The following ACTN2 variants were observed in gnomAD, a reference collection of about 807,000 sequenced individuals.
ACTN2 encodes the protein alpha-actinin-2.
A neutral mutation model predicts 113.8 loss-of-function variants in ACTN2; 39 were observed. The observed-to-expected ratio is 0.34, with a 90% CI of 0.27 to 0.45. ACTN2 has a LOEUF of 0.45. Ranked by LOEUF, ACTN2 falls within the 20% of genes least tolerant of loss-of-function variation. The pLI is 1.00. For synonymous variants in ACTN2, 429 were observed against 444.1 expected, an observed-to-expected ratio of 0.97 and a Z score of 0.43; for missense variants, 992 against 1,177.9, an observed-to-expected ratio of 0.84 and a Z score of 2.31.
At chr1:236,692,860 T>C (rs1438232436) in intron 1 of ACTN2, among the ~76,000 whole-genome samples, 1 of 152,070 alleles carries the variant, frequency 6.6e-6, no homozygotes, top group Non-Finnish European at 1.5e-5. Flanking sequence ...CTCAGAAAAC[T>C]GTCAGAAAGC....
Position 236,742,876 on chromosome 1 carries a change from T to G in ACTN2, c.1108-20T>G, listed in dbSNP as rs771978488. On this transcript the variant is annotated intron_variant, in intron 10 of 20. Transcript: ENST00000366578. ...GGTGCTTGTTACACATTTGCTTCCCTTGGCTTCCAACCATCCCAGGATATT... is the reference window on the plus strand; with the variant it reads ...GGTGCTTGTTACACATTTGCTTCCCGTGGCTTCCAACCATCCCAGGATATT... 11 of 1,614,054 alleles carry G rather than the reference T, an allele frequency of 6.8e-6. No homozygotes were observed. Among genetic ancestry groups the G allele is most frequent in the Middle Eastern group, 1.6e-4 (1 of 6,084 alleles).
chr1:236,688,072 C>T (rs1193344285), intron 1 of ACTN2, among the ~76,000 whole-genome samples: 3 of 152,052 alleles, frequency 2.0e-5, no homozygotes, highest in Non-Finnish European at 2.9e-5. Flanking sequence ...GTTTAAAGGA[C>T]TGATTGTGAA....
intron 4 of ACTN2, among the ~76,000 whole-genome samples, chr1:236,723,684 T>C (rs1658465392): frequency 6.6e-6 from 1 of 152,164 alleles, no homozygotes; most frequent in South Asian, 2.1e-4. Context: ...CTTGAACTCC[T>C]GACCTCAGGT....
chr1:236,718,327 A>G (rs1193232640), intron 2 of ACTN2, among the ~76,000 whole-genome samples: 2 of 152,358 alleles, frequency 1.3e-5, no homozygotes, highest in East Asian at 3.9e-4. Flanking sequence ...TCTACTGTAC[A>G]TGTTGGCAGA....
At chr1:236,757,309 T>C (rs1427849078) in intron 17 of ACTN2, among the ~76,000 whole-genome samples, 177 bp from the exon 18 acceptor site, 1 of 152,150 alleles carries the variant, frequency 6.6e-6, no homozygotes, top group Non-Finnish European at 1.5e-5. Context: ...TGAGTACTTC[T>C]CACTACAGAA....
At chr1:236,710,845 C>T (rs962146411) in intron 1 of ACTN2, among the ~76,000 whole-genome samples, 3 of 152,186 alleles carry the variant, frequency 2.0e-5, no homozygotes, top group Admixed American at 1.3e-4. Context: ...AATCGAATGG[C>T]TGATGATCTG....
intron 15 of ACTN2, 92 bp from the exon 16 acceptor site, chr1:236,753,855 A>ACCCCCCC: frequency 2.0e-6 from 1 of 492,256 alleles, no homozygotes; most frequent in Non-Finnish European, 3.1e-6. Context: ...CTCCACTCCC[A>ACCCCCCC]CCCCCACCCC....
intron 4 of ACTN2, among the ~76,000 whole-genome samples, chr1:236,721,022 GTTTTTTT>G (rs869077774): frequency 0.017 from 1,110 of 66,514 alleles, 196 homozygotes; most frequent in Middle Eastern, 0.064. Flanking sequence ...TTTGTTTTTT[GTTTTTTT>G]TTTTTTTTTT....
intron 5 of ACTN2, 102 bp downstream of exon 5, chr1:236,726,122 G>A: frequency 1.9e-6 from 2 of 1,043,192 alleles, no homozygotes; most frequent in Admixed American, 1.7e-5. Flanking sequence ...TGTCTGAGAA[G>A]CCTTTTATGT....
intron 7 of ACTN2, 108 bp downstream of exon 7, chr1:236,731,422 T>C (rs1273510971): frequency 3.6e-6 from 3 of 829,336 alleles, no homozygotes; most frequent in Non-Finnish European, 6.1e-6. Context: ...ACATCCGAAG[T>C]ACTTTGGATT....
chr1:236,695,184 C>T (rs568249107), intron 1 of ACTN2, among the ~76,000 whole-genome samples: 22 of 144,598 alleles, frequency 1.5e-4, no homozygotes, highest in African/African-American at 2.3e-4. Context: ...CTGGCCAACA[C>T]GGCGAAACCC....
chr1:236,762,734 A>C lies in ACTN2; in HGVS notation c.*115A>C. The C allele has an allele frequency of 7.4e-7, 1 of 1,349,428 alleles. No homozygotes were observed. 83.6% of individuals were successfully genotyped at this position (1,349,428 alleles called of 1,614,324 possible). On this transcript the variant is annotated 3_prime_UTR_variant, in exon 21 of 21. Coordinates refer to ENST00000366578, the MANE Select transcript of ACTN2 (RefSeq NM_001103.4). Reference sequence around the variant, plus strand: ...AAGTTGAGAGAGAGAGAGGGGAAAAAAAAAAGCCTTTCGTAGTTCAGTAAT... The same window carrying C: ...AAGTTGAGAGAGAGAGAGGGGAAAACAAAAAGCCTTTCGTAGTTCAGTAAT...
chr1:236,724,480 A>G (rs1326980425), intron 4 of ACTN2, among the ~76,000 whole-genome samples: 3 of 152,250 alleles, frequency 2.0e-5, no homozygotes, highest in Non-Finnish European at 4.4e-5. Flanking sequence ...GAGCCTTCAG[A>G]CCAGAGCTCC....
chr1:236,748,276 T>A (rs1259711692), intron 13 of ACTN2: 1 of 161,922 alleles, frequency 6.2e-6, no homozygotes, highest in East Asian at 1.8e-4. Context: ...ATGGAAGACA[T>A]CTCCCACGTG....
At chr1:236,728,357 A>G (rs1046512713) in intron 6 of ACTN2, among the ~76,000 whole-genome samples, 3 of 151,958 alleles carry the variant, frequency 2.0e-5, no homozygotes, top group African/African-American at 7.3e-5. Flanking sequence ...GTCAGCCAGG[A>G]TGGTCTCGAT....
chr1:236,754,493 T>C lies in ACTN2; in HGVS notation c.1974+412T>C, dbSNP rs1659495113. Among the ~76,000 whole-genome samples, 1 of 152,264 alleles carries C rather than the reference T, an allele frequency of 6.6e-6. No individual in the cohort carries two copies. The highest frequency in any genetic ancestry group is 6.5e-5 in the Admixed American group (1 of 15,294). ...CAGTGGTCTTTAAGTAACCCTGTTG[T>C]CCTTTGATCACCAAGAACAGCCAGG... On this transcript the variant is annotated intron_variant, in intron 16 of 20. Transcript: ENST00000366578. This position sits in a 1 kb window ranked among gnomAD's most constrained non-coding sequence, Gnocchi z 4.9.
rs577792310 is a variant in ACTN2, at chr1:236,698,508, A to G, written c.126+11709A>G. Among the ~76,000 whole-genome samples the G allele has an allele frequency of 7.9e-5, 12 of 152,340 alleles. No individual in the cohort carries two copies. The South Asian group carries it at 2.5e-3, about 32-fold the overall frequency. On this transcript the variant is annotated intron_variant, in intron 1 of 20. Coordinates refer to ENST00000366578, the MANE Select transcript of ACTN2 (RefSeq NM_001103.4). ...AGGGGAGGCAGGTATTCAGGTGGTC[A>G]GATTAGAAAAATACAAACCATGCGT...
intron 1 of ACTN2, among the ~76,000 whole-genome samples, chr1:236,709,177 A>T (rs1657921891): frequency 7.1e-6 from 1 of 140,728 alleles, no homozygotes; most frequent in Non-Finnish European, 1.5e-5. Context: ...TCCTCTCAAT[A>T]ATCTTTTGAA....
chr1:236,693,416 G>A (rs1437352574), intron 1 of ACTN2, among the ~76,000 whole-genome samples: 5 of 152,148 alleles, frequency 3.3e-5, no homozygotes, highest in Non-Finnish European at 7.4e-5. Context: ...AGACAGGAGT[G>A]GTCTGTGAGA....
Sources: allele counts gnomAD v4.1 joint callset (sites outside exome capture counted in the v4.1 genomes callset), GRCh38; gene constraint gnomAD v4.1.1; non-coding constraint Gnocchi (gnomAD v3.1); transcripts MANE v1.5; gene names NCBI Gene and HGNC (gene_info 2026-07-23, HGNC 2026-07-21).